Variants in NALCN observed in about 807,000 individuals in gnomAD.
NALCN encodes the protein sodium leak channel, non-selective.
In NALCN, 111 loss-of-function variants were observed where a neutral mutation model predicts 225.3. The observed-to-expected ratio is 0.49, with a 90% CI of 0.42 to 0.58. NALCN has a LOEUF of 0.58. Among genes scored for constraint, NALCN ranks in the 20% least tolerant of loss-of-function variants. The pLI, the probability that NALCN is intolerant of heterozygous loss-of-function variation, is 0.00. For missense variants in NALCN, 1,378 were observed against 2,202.4 expected (o/e 0.63, Z 7.49); for synonymous variants, 764 against 769.0 (o/e 0.99, Z 0.11).
At chr13:101,387,996 A>C (rs1192145949) in intron 3 of NALCN, among the ~76,000 whole-genome samples, 2 of 152,200 alleles carry the variant, frequency 1.3e-5, no homozygotes, top group Non-Finnish European at 2.9e-5. Flanking sequence ...TATCAAGCCC[A>C]ATATACTCTT....
At chr13:101,226,843 C>G (rs569983884) in intron 13 of NALCN, among the ~76,000 whole-genome samples, 1 of 152,294 alleles carries the variant, frequency 6.6e-6, no homozygotes, top group South Asian at 2.1e-4. Context: ...GTGCAGAGGC[C>G]TCCTGATCAG....
intron 3 of NALCN, among the ~76,000 whole-genome samples, chr13:101,383,603 A>G (rs1416365931): frequency 2.0e-5 from 3 of 152,218 alleles, no homozygotes; most frequent in Non-Finnish European, 4.4e-5. Context: ...ATACAGCAAG[A>G]TGTCAGTTAA....
At chr13:101,415,182 G>C (rs2047899708) in intron 1 of NALCN, among the ~76,000 whole-genome samples, 1 of 105,030 alleles carries the variant, frequency 9.5e-6, no homozygotes, top group Admixed American at 9.6e-5. Flanking sequence ...AATCACAGTT[G>C]TAGTTATGAA....
In NALCN at chr13:101,104,686, G is replaced by A; in HGVS notation, c.2637-36C>T. ...CCAAACAAAATTGAGAAACATAAAG[G>A]TTCCAGGAAAGGCTTCTAAGAGTTA... is the stretch of plus-strand genomic sequence containing the variant. On this transcript the variant is annotated intron_variant, in intron 23 of 43. Transcript: ENST00000251127. The surrounding 1 kb of genome is among the most constrained non-coding windows in gnomAD (Gnocchi z 4.2). The A allele has an allele frequency of 6.2e-7, 1 of 1,612,214 alleles. No individual in the cohort carries two copies. Among genetic ancestry groups the A allele is most frequent in the South Asian group, 1.1e-5 (1 of 90,866 alleles).
At chr13:101,338,641 C>T (rs952277800) in intron 7 of NALCN, among the ~76,000 whole-genome samples, 2 of 152,152 alleles carry the variant, frequency 1.3e-5, no homozygotes, top group East Asian at 3.9e-4. Context: ...TGATTTATTT[C>T]GCATATATGG....
chr13:101,313,070 A>C (rs1189352532), intron 7 of NALCN, among the ~76,000 whole-genome samples: 1 of 152,232 alleles, frequency 6.6e-6, no homozygotes, highest in Non-Finnish European at 1.5e-5. Context: ...TGACAAAAAC[A>C]AGAAATGGGG....
intron 6 of NALCN, among the ~76,000 whole-genome samples, chr13:101,346,466 C>T (rs922335261): frequency 7.9e-5 from 12 of 152,028 alleles, no homozygotes; most frequent in Admixed American, 2.0e-4. Flanking sequence ...ACGAATACTA[C>T]GAAACTCATC....
chr13:101,276,110 C>T (rs1251734255), intron 10 of NALCN, among the ~76,000 whole-genome samples: 1 of 146,440 alleles, frequency 6.8e-6, no homozygotes, highest in Non-Finnish European at 1.5e-5. Flanking sequence ...GCACGAGGGG[C>T]CCCTAAGTGA....
chr13:101,396,641 G>A (rs918946759), intron 2 of NALCN, among the ~76,000 whole-genome samples: 1 of 152,020 alleles, frequency 6.6e-6, no homozygotes, highest in Admixed American at 6.6e-5. Flanking sequence ...TTACTTTAAA[G>A]GTTGATGTAT....
intron 14 of NALCN, among the ~76,000 whole-genome samples, chr13:101,191,179 C>A (rs560669530): frequency 3.0e-4 from 45 of 152,242 alleles, no homozygotes; most frequent in African/African-American, 1.0e-3. Context: ...GAACTTCTAA[C>A]GTGATGTTAG....
In NALCN at chr13:101,387,207, G is replaced by A. The variant is rs376507273; in HGVS notation, c.291+7976C>T. 5.1e-5 allele frequency among the ~76,000 whole-genome samples: 6 copies of A among 118,132 alleles called. No homozygotes were observed. The East Asian group carries it at 7.3e-4, about 14-fold the overall frequency. The allele number at this position is 118,132 out of a possible 152,430, so 77.5% of individuals were successfully genotyped here. On this transcript the variant is annotated intron_variant, in intron 3 of 43. Coordinates refer to ENST00000251127, the MANE Select transcript of NALCN (RefSeq NM_052867.4). ...CTGCAGTCCGCAGTCCGGCCTGGGC[G>A]ACAGAGCGAGACTCCGTCTCAAAAA... is the stretch of plus-strand genomic sequence containing the variant.
chr13:101,316,076 T>A (rs1397124574), intron 7 of NALCN, among the ~76,000 whole-genome samples: 1 of 152,174 alleles, frequency 6.6e-6, no homozygotes, highest in Non-Finnish European at 1.5e-5. Flanking sequence ...GCTCTGTCAC[T>A]AATGAAAGGA....
At chr13:101,243,236 T>A (rs2041804740) in intron 11 of NALCN, among the ~76,000 whole-genome samples, 1 of 104,166 alleles carries the variant, frequency 9.6e-6, no homozygotes, top group South Asian at 3.2e-4. Flanking sequence ...TTATTATATC[T>A]CTACCACTTT....
chr13:101,179,752 G>GT (rs2039115589), intron 14 of NALCN, among the ~76,000 whole-genome samples: 1 of 152,116 alleles, frequency 6.6e-6, no homozygotes. Context: ...CTAGAGTACT[G>GT]TAACACCGTG....
chr13:101,104,588 C>G lies in NALCN; in HGVS notation c.2699G>C (p.Cys900Ser). ...CGGGGACTCAAACATCATGGAAATG[C>G]AAGAGCAGATGGTTACGATGATCAT... ...WVMIIVTICS[C>S]ISMMFESPFR... Residue 900 changes from cysteine to serine, a missense_variant, in exon 24 of 44, where the codon TGC becomes TCC. Coordinates refer to ENST00000251127, the MANE Select transcript of NALCN (RefSeq NM_052867.4). The surrounding 1 kb of genome is among the most constrained non-coding windows in gnomAD (Gnocchi z 4.2). The G allele has an allele frequency of 6.2e-7, 1 of 1,614,000 alleles. No homozygotes were observed. The highest frequency in any genetic ancestry group is 2.2e-5 in the East Asian group (1 of 44,850).
At chr13:101,250,564 G>A (rs756612033) in intron 11 of NALCN, among the ~76,000 whole-genome samples, 2 of 151,536 alleles carry the variant, frequency 1.3e-5, no homozygotes, top group African/African-American at 4.9e-5. Flanking sequence ...TTATATATGG[G>A]GAAAAAATCA....
intron 1 of NALCN, among the ~76,000 whole-genome samples, chr13:101,415,228 T>TATATACATAC (rs137895468): frequency 4.6e-5 from 6 of 129,236 alleles, no homozygotes; most frequent in Non-Finnish European, 8.2e-5. Flanking sequence ...TATATATACA[T>TATATACATAC]ACATATATAT....
chr13:101,078,773 T>C (rs12868767), intron 34 of NALCN, among the ~76,000 whole-genome samples: 40,700 of 152,018 alleles, frequency 0.27, 5,915 homozygotes, highest in African/African-American at 0.34. Context: ...TGATTGTATT[T>C]TGAATTGTGA....
chr13:101,134,124 C>G (rs755680525), intron 17 of NALCN, among the ~76,000 whole-genome samples: 2 of 151,962 alleles, frequency 1.3e-5, no homozygotes, highest in African/African-American at 2.4e-5. Flanking sequence ...GAGCTGAGAT[C>G]GCGCCACTGC....
Sources: gnomAD v4.1 joint callset for allele counts (sites outside exome capture counted in the v4.1 genomes callset) on GRCh38, gnomAD v4.1.1 for gene constraint, Gnocchi (gnomAD v3.1) non-coding constraint, MANE v1.5 for transcripts, NCBI Gene and HGNC (gene_info 2026-07-23, HGNC 2026-07-21) for gene names.